The following PCSK5 variants were observed in gnomAD, a reference collection of about 807,000 sequenced individuals.
The protein encoded by PCSK5 is prohormone convertase 5.
Under a neutral mutation model 233.2 loss-of-function variants are expected in PCSK5, and 129 were observed. The observed-to-expected ratio is 0.55, with a 90% CI of 0.48 to 0.64. PCSK5 has a LOEUF of 0.64. Ranked by LOEUF, PCSK5 falls within the 30% of genes least tolerant of loss-of-function variation. The pLI, the probability that PCSK5 is intolerant of heterozygous loss-of-function variation, is 0.00. For synonymous variants in PCSK5, 825 were observed against 879.2 expected, an observed-to-expected ratio of 0.94 and a Z score of 1.09; for missense variants, 2,076 against 2,430.1, an observed-to-expected ratio of 0.85 and a Z score of 3.06.
intron 24 of PCSK5, among the ~76,000 whole-genome samples, chr9:76,246,988 C>T (rs117744768): frequency 2.0e-5 from 3 of 152,156 alleles, no homozygotes; most frequent in Non-Finnish European, 2.9e-5. Context: ...CGGAATCTTG[C>T]GCCATGAGGT....
rs143419060 is a variant in PCSK5, at chr9:75,971,700, T to A, written c.298-14432T>A. Among the ~76,000 whole-genome samples the A allele has an allele frequency of 2.6e-3, 401 of 152,344 alleles. 3 individuals are homozygous for A. The highest frequency in any genetic ancestry group is 3.3e-3 in the Non-Finnish European group (224 of 68,034). On this transcript the variant is annotated intron_variant, in intron 2 of 37. Transcript: ENST00000674117. ...TAATGATCAGTGATGATGAGCTTTT[T>A]TTCTTGTTTGTTGGCAGCATAAATG...
intron 9 of PCSK5, among the ~76,000 whole-genome samples, chr9:76,117,136 A>G (rs546586303): frequency 1.3e-5 from 2 of 152,142 alleles, no homozygotes; most frequent in Non-Finnish European, 2.9e-5. Flanking sequence ...CATAGTTGCA[A>G]TGTTTAGCTA....
At chr9:76,285,370 G>C (rs1202894268) in intron 24 of PCSK5, among the ~76,000 whole-genome samples, 2 of 152,172 alleles carry the variant, frequency 1.3e-5, no homozygotes, top group Non-Finnish European at 2.9e-5. Flanking sequence ...TAGCCTAAGA[G>C]AGTCAAAGTG....
Position 76,071,654 on chromosome 9 carries a change from C to T in PCSK5, c.722-72C>T, listed in dbSNP as rs1448575001. 7.9e-6 allele frequency: 10 copies of T among 1,259,564 alleles called. No individual in the cohort carries two copies. In the East Asian group the frequency reaches 2.4e-4, roughly 30 times the overall value. The allele number at this position is 1,259,564 out of a possible 1,614,324, so 78.0% of individuals were successfully genotyped here. ...AAAATGTATTCTTCCCCCCGAGAAT[C>T]CTGCAGCTCTGTTCTTTGAGTGTTG... On this transcript the variant is annotated intron_variant, in intron 6 of 37. Coordinates refer to ENST00000674117, the MANE Select transcript of PCSK5 (RefSeq NM_001372043.1).
intron 2 of PCSK5, among the ~76,000 whole-genome samples, chr9:75,948,960 A>C (rs1046432827): frequency 2.6e-5 from 4 of 151,978 alleles, no homozygotes; most frequent in African/African-American, 9.7e-5. Flanking sequence ...CATAGCACTT[A>C]CTATCTTATC....
chr9:75,950,782 T>A (rs1255091504), intron 2 of PCSK5, among the ~76,000 whole-genome samples: 3 of 152,192 alleles, frequency 2.0e-5, no homozygotes, highest in Non-Finnish European at 4.4e-5. Context: ...CTGCATCAAC[T>A]AACGAGCAAA....
intron 35 of PCSK5, among the ~76,000 whole-genome samples, chr9:76,339,443 C>A (rs368319055): frequency 3.3e-5 from 5 of 151,756 alleles, no homozygotes; most frequent in African/African-American, 1.2e-4. Flanking sequence ...TGGAGAAAAC[C>A]CCATCTTTAT....
At chr9:76,349,156 C>T (rs910623580) in intron 35 of PCSK5, among the ~76,000 whole-genome samples, 25 of 151,504 alleles carry the variant, frequency 1.7e-4, no homozygotes, top group Non-Finnish European at 3.4e-4. Flanking sequence ...CTCCTGTAGT[C>T]CCAGCTACTC....
At chr9:76,101,744 G>A (rs1035486632) in intron 8 of PCSK5, among the ~76,000 whole-genome samples, 1 of 152,114 alleles carries the variant, frequency 6.6e-6, no homozygotes, top group African/African-American at 2.4e-5. Flanking sequence ...TTGCTGCCTG[G>A]GGTATCTCAG....
At chr9:75,902,214 TAAAA>T (rs200579439) in intron 1 of PCSK5, among the ~76,000 whole-genome samples, 38 of 53,288 alleles carry the variant, frequency 7.1e-4, no homozygotes, top group African/African-American at 2.9e-3. Context: ...AGACACCATC[TAAAA>T]AAAAAAAAAA....
At chr9:75,927,906 A>G (rs557676075) in intron 1 of PCSK5, among the ~76,000 whole-genome samples, 53 of 152,228 alleles carry the variant, frequency 3.5e-4, no homozygotes, top group Non-Finnish European at 5.0e-4. Flanking sequence ...GAACTGAAAC[A>G]TTGAATCTAC....
intron 2 of PCSK5, among the ~76,000 whole-genome samples, chr9:75,942,388 C>T (rs1824352036): frequency 1.3e-5 from 2 of 152,210 alleles, no homozygotes; most frequent in South Asian, 2.1e-4. Flanking sequence ...GCGTAAATGA[C>T]AGATCTCATC....
chr9:76,220,114 T>C (rs1310033499), intron 20 of PCSK5, among the ~76,000 whole-genome samples: 1 of 152,214 alleles, frequency 6.6e-6, no homozygotes, highest in Non-Finnish European at 1.5e-5. Context: ...AAGAAGCATT[T>C]CACACCTAAC....
chr9:76,326,347 C>G (rs559049334), intron 32 of PCSK5, among the ~76,000 whole-genome samples: 1 of 152,148 alleles, frequency 6.6e-6, no homozygotes, highest in South Asian at 2.1e-4. Flanking sequence ...GATCACACCA[C>G]TGCACTCTAG....
chr9:76,281,395 C>G (rs907512197), intron 24 of PCSK5, among the ~76,000 whole-genome samples: 1 of 152,188 alleles, frequency 6.6e-6, no homozygotes, highest in Non-Finnish European at 1.5e-5. Context: ...TATGCCAAAT[C>G]CATTCTGCCT....
rs1385436740 is a variant in PCSK5, at chr9:75,903,598, T to G, written c.192+12225T>G. Among the ~76,000 whole-genome samples the G allele has an allele frequency of 1.0e-3, 144 of 141,580 alleles. 1 individual carries two copies. The East Asian group carries it at 0.026, about 25-fold the overall frequency. 92.9% of individuals were successfully genotyped at this position (141,580 alleles called of 152,430 possible). On this transcript the variant is annotated intron_variant, in intron 1 of 37. Coordinates refer to ENST00000674117, the MANE Select transcript of PCSK5 (RefSeq NM_001372043.1). ...TGTATATATATATATAAAATATATA[T>G]TATATATATATATTATATATATATA...
intron 16 of PCSK5, among the ~76,000 whole-genome samples, chr9:76,183,680 G>A (rs1823974223): frequency 6.6e-6 from 1 of 152,158 alleles, no homozygotes; most frequent in Non-Finnish European, 1.5e-5. Context: ...ATTGTAAGGG[G>A]CTTCGTATTT....
chr9:76,294,488 G>A (rs1249310797), intron 25 of PCSK5, among the ~76,000 whole-genome samples: 2 of 152,066 alleles, frequency 1.3e-5, no homozygotes, highest in Non-Finnish European at 2.9e-5. Context: ...GCTATTTCAG[G>A]CCTCAGTGCC....
intron 34 of PCSK5, among the ~76,000 whole-genome samples, chr9:76,337,167 T>C (rs1357043291): frequency 1.4e-5 from 1 of 72,106 alleles, no homozygotes; most frequent in Non-Finnish European, 3.7e-5. Context: ...TTTATTTATT[T>C]TATGTTATCT....
Sources: gnomAD v4.1 joint callset for allele counts (sites outside exome capture counted in the v4.1 genomes callset) on GRCh38, gnomAD v4.1.1 for gene constraint, MANE v1.5 for transcripts, NCBI Gene and HGNC (gene_info 2026-07-23, HGNC 2026-07-21) for gene names.